Variants in DACH2 observed in about 807,000 individuals in gnomAD.
DACH2 encodes dachshund family transcription factor 2.
A neutral mutation model predicts 35.8 loss-of-function variants in DACH2; 17 were observed. The observed-to-expected ratio is 0.48, with a 90% CI of 0.33 to 0.71. DACH2 has a LOEUF of 0.71. DACH2 is among the 30% of genes least tolerant of loss of function. The pLI is 0.02. For synonymous variants in DACH2, 195 were observed against 177.3 expected, an observed-to-expected ratio of 1.10 and a Z score of -0.79; for missense variants, 469 against 472.7, an observed-to-expected ratio of 0.99 and a Z score of 0.07.
intron 1 of DACH2, among the ~76,000 whole-genome samples, chrX:86,357,740 T>TA (rs1478657329): frequency 8.0e-5 from 9 of 112,524 alleles, no homozygotes; most frequent in Admixed American, 1.9e-4. Flanking sequence ...AATCAAAGGA[T>TA]AAAAATCACT....
chrX:86,528,060 A>T (rs970020706), intron 3 of DACH2, among the ~76,000 whole-genome samples: 1 of 111,401 alleles, frequency 9.0e-6, no homozygotes, highest in Non-Finnish European at 1.9e-5. Context: ...AGTGAAGGGC[A>T]TATTATCTGG....
intron 3 of DACH2, among the ~76,000 whole-genome samples, chrX:86,530,003 AC>A (rs1162362898): frequency 3.7e-5 from 4 of 108,379 alleles, no homozygotes; most frequent in Non-Finnish European, 5.8e-5. Flanking sequence ...ACACACACAC[AC>A]AATCACATTT....
chrX:86,796,099 T>C (rs994014777), intron 7 of DACH2, among the ~76,000 whole-genome samples: 6 of 111,988 alleles, frequency 5.4e-5, no homozygotes, highest in Middle Eastern at 4.2e-3. Flanking sequence ...ATTCTGCTGA[T>C]GGGTCCATTT....
chrX:86,796,603 T>C (rs2042241428), intron 7 of DACH2, among the ~76,000 whole-genome samples: 1 of 112,487 alleles, frequency 8.9e-6, no homozygotes, highest in Admixed American at 9.4e-5. Flanking sequence ...TATTGAAAGA[T>C]CTTACATATT....
At chrX:86,639,465 G>A (rs150831032) in intron 3 of DACH2, among the ~76,000 whole-genome samples, 3 of 111,451 alleles carry the variant, frequency 2.7e-5, no homozygotes, top group Non-Finnish European at 5.7e-5. Context: ...TTAAATACTT[G>A]GGCTTACTGG....
At chrX:86,343,783 T>C (rs1477058203) in intron 1 of DACH2, among the ~76,000 whole-genome samples, 1 of 111,457 alleles carries the variant, frequency 9.0e-6, no homozygotes, top group Admixed American at 9.6e-5. Flanking sequence ...TATATTGATG[T>C]CCTTAGAAGA....
chrX:86,492,975 C>A (rs976436244), intron 2 of DACH2, among the ~76,000 whole-genome samples: 3 of 111,015 alleles, frequency 2.7e-5, no homozygotes, highest in African/African-American at 9.8e-5. Context: ...ATCAAGTAAT[C>A]GAATTTCTGG....
chrX:86,571,806 A>T (rs753880550), intron 3 of DACH2, among the ~76,000 whole-genome samples: 94 of 111,009 alleles, frequency 8.5e-4, no homozygotes, highest in African/African-American at 2.9e-3. Context: ...AGAGGATGTG[A>T]TTGGAATCAT....
chrX:86,335,969 A>G (rs771574700), intron 1 of DACH2, among the ~76,000 whole-genome samples: 1 of 111,867 alleles, frequency 8.9e-6, no homozygotes, highest in South Asian at 3.8e-4. Context: ...GGGCTGTTGA[A>G]TTTTGTTGAA....
chrX:86,205,589 G>T (rs1328312514), intron 1 of DACH2, among the ~76,000 whole-genome samples: 1 of 96,839 alleles, frequency 1.0e-5, no homozygotes, highest in Non-Finnish European at 2.1e-5. Flanking sequence ...TTAAGACAAG[G>T]TCTTGCTGTC....
At chrX:86,243,466 A>G (rs1466818269) in intron 1 of DACH2, among the ~76,000 whole-genome samples, 1 of 112,080 alleles carries the variant, frequency 8.9e-6, no homozygotes, top group Non-Finnish European at 1.9e-5. Flanking sequence ...TTTTTTAAAA[A>G]ATAACTGGAT....
At chrX:86,220,474 A>T (rs1471354323) in intron 1 of DACH2, among the ~76,000 whole-genome samples, 1 of 111,264 alleles carries the variant, frequency 9.0e-6, no homozygotes, top group Non-Finnish European at 1.9e-5. Context: ...ATTATGCAGG[A>T]TTTTTCCTAT....
chrX:86,444,780 C>A (rs67468249), intron 2 of DACH2, among the ~76,000 whole-genome samples: 13,122 of 109,493 alleles, frequency 0.12, 1,182 homozygotes, highest in African/African-American at 0.32. Context: ...TTTATTTCTT[C>A]TATGATTTTT....
At chrX:86,173,633 T>C (rs1432062873) in intron 1 of DACH2, among the ~76,000 whole-genome samples, 1 of 111,843 alleles carries the variant, frequency 8.9e-6, no homozygotes, top group Non-Finnish European at 1.9e-5. Context: ...AGAGTGTTCA[T>C]AATGGAGTAG....
chrX:86,567,713 T>G (rs2039310488), intron 3 of DACH2, among the ~76,000 whole-genome samples: 1 of 111,616 alleles, frequency 9.0e-6, no homozygotes, highest in African/African-American at 3.2e-5. Flanking sequence ...GTTCACAGTA[T>G]TTGTAGTAGA....
chrX:86,699,521 G>A (rs1393952077), intron 5 of DACH2, among the ~76,000 whole-genome samples: 4 of 110,922 alleles, frequency 3.6e-5, no homozygotes, highest in Admixed American at 1.9e-4. Context: ...AGACTTATTC[G>A]CCACCATGAG....
At position 86,284,644 on chromosome X, in the gene DACH2, C is replaced by T. The variant is rs764745186; in HGVS notation, c.489-92180C>T. Among the ~76,000 whole-genome samples the T allele has an allele frequency of 3.8e-5, 3 of 78,486 alleles. No individual in the cohort carries two copies. In the East Asian group the frequency reaches 1.2e-3, roughly 30 times the overall value. The allele number at this position is 78,486 out of a possible 115,157, so 68.2% of individuals were successfully genotyped here. A position where few individuals can be genotyped will look rare whatever the true frequency, so the allele number is the denominator to read the frequency against. The stretch of plus-strand genomic sequence containing the variant: ...AATGAGTTTGGAAGCATTCTTCCTC[C>T]CCTATTTTTCAGAATTGTTTGAGTA... On this transcript the variant is annotated intron_variant, in intron 1 of 11. Transcript: ENST00000373125.
chrX:86,450,672 A>G (rs1403430670), intron 2 of DACH2, among the ~76,000 whole-genome samples: 1 of 109,682 alleles, frequency 9.1e-6, no homozygotes. Flanking sequence ...GGTTGAAATA[A>G]TTTACGCTCC....
At chrX:86,188,951 G>A (rs971899154) in intron 1 of DACH2, among the ~76,000 whole-genome samples, 56 of 112,112 alleles carry the variant, frequency 5.0e-4, no homozygotes, top group African/African-American at 1.8e-3. Flanking sequence ...TCCCTCCACA[G>A]CATCTAGCAC....
Sources: allele counts gnomAD v4.1 joint callset (sites outside exome capture counted in the v4.1 genomes callset), GRCh38; gene constraint gnomAD v4.1.1; transcripts MANE v1.5; gene names NCBI Gene and HGNC (gene_info 2026-07-23, HGNC 2026-07-21).